The following SEMA6D variants were observed in gnomAD, a reference collection of about 807,000 sequenced individuals.
SEMA6D encodes semaphorin 6D.
In SEMA6D, 35 loss-of-function variants were observed where a neutral mutation model predicts 106.6. The ratio of observed to expected loss-of-function variants is 0.33; its 90% confidence interval spans 0.25 to 0.44. The LOEUF is 0.44. Among genes scored for constraint, SEMA6D ranks in the 20% least tolerant of loss-of-function variants. The probability of loss-of-function intolerance (pLI) is 1.00; values close to 1 mark genes in which losing one functional copy is unlikely to be tolerated. For synonymous variants in SEMA6D, 499 were observed against 487.7 expected, an observed-to-expected ratio of 1.02 and a Z score of -0.31; for missense variants, 1,185 against 1,345.9, an observed-to-expected ratio of 0.88 and a Z score of 1.87.
intron 3 of SEMA6D, among the ~76,000 whole-genome samples, chr15:47,497,152 A>G (rs1464051146): frequency 3.5e-5 from 3 of 85,404 alleles, no homozygotes; most frequent in Non-Finnish European, 8.7e-5. Flanking sequence ...CCTGTGAGAA[A>G]GAAACATTCC....
chr15:47,552,899 T>TAA (rs2045796239), intron 3 of SEMA6D, among the ~76,000 whole-genome samples: 2 of 107,008 alleles, frequency 1.9e-5, no homozygotes, highest in Non-Finnish European at 3.5e-5. Context: ...TAAATATATA[T>TAA]ATATATAAAT....
Position 47,240,047 on chromosome 15 carries a change from G to T in SEMA6D, c.-239+55629G>T, listed in dbSNP as rs2032808175. Among the ~76,000 whole-genome samples the T allele has an allele frequency of 2.6e-5, 4 of 151,996 alleles. No homozygotes were observed. The South Asian group carries it at 8.3e-4, about 32-fold the overall frequency. On this transcript the variant is annotated intron_variant, in intron 1 of 19. Transcript: ENST00000558014. ...GTATAACATGATTATTATCTATTTG[G>T]ATCTCAGTAGTTGATAAAAGCCTGT...
intron 4 of SEMA6D, among the ~76,000 whole-genome samples, chr15:47,659,242 C>T (rs1369060973): frequency 6.6e-6 from 1 of 151,748 alleles, no homozygotes; most frequent in Middle Eastern, 3.6e-3. Flanking sequence ...GATTTTAGCA[C>T]ATTATATACA....
intron 3 of SEMA6D, among the ~76,000 whole-genome samples, chr15:47,542,124 A>G (rs2045373649): frequency 6.6e-6 from 1 of 152,192 alleles, no homozygotes; most frequent in Non-Finnish European, 1.5e-5. Context: ...AAGATTCTGG[A>G]TATGTTATAA....
At chr15:47,272,220 T>C (rs2142287593) in intron 1 of SEMA6D, among the ~76,000 whole-genome samples, 1 of 152,342 alleles carries the variant, frequency 6.6e-6, no homozygotes, top group Middle Eastern at 3.4e-3. Context: ...TGGTAAGGAC[T>C]TTTAAGTTTT....
Position 47,552,858 on chromosome 15 carries a change from A to T in SEMA6D, c.-86-48007A>T, listed in dbSNP as rs1447513500. On this transcript the variant is annotated intron_variant, in intron 3 of 19. Transcript: ENST00000558014. ...TATATATATAAATATATATAAATAT[A>T]TATATATTTTTATATATATATAAAT... 3.7e-3 allele frequency among the ~76,000 whole-genome samples: 278 copies of T among 74,830 alleles called. 4 individuals are homozygous for T. The highest frequency in any genetic ancestry group is 5.4e-3 in the Non-Finnish European group (249 of 46,154). 49.1% of individuals were successfully genotyped at this position (74,830 alleles called of 152,430 possible). A position where few individuals can be genotyped will look rare whatever the true frequency, so the allele number is the denominator to read the frequency against.
At chr15:47,754,194 C>G (rs1282350379) in intron 1 of SEMA6D, among the ~76,000 whole-genome samples, 1 of 152,166 alleles carries the variant, frequency 6.6e-6, no homozygotes, top group Non-Finnish European at 1.5e-5. Flanking sequence ...AAATTTGAGA[C>G]CAGCCTAGGC....
chr15:47,765,990 C>A lies in SEMA6D; in HGVS notation c.1549C>A (p.Arg517Ser), dbSNP rs768595343. The change falls in exon 14 of 19, where the codon CGT becomes AGT. Residue 517 changes from arginine to serine, a missense_variant. Coordinates refer to ENST00000536845, the MANE Select transcript of SEMA6D (RefSeq NM_001358351.3). ...CCGCATCCCCCTCAGTCGCTGTGAG[C>A]GTTATGGATCATGTAAAAAGTAAGC... ...IIRIPLSRCERYGSCKKSCIA... is the reference protein window; with the variant it reads ...IIRIPLSRCESYGSCKKSCIA... 2 of 1,597,572 alleles carry A rather than the reference C, an allele frequency of 1.3e-6. No homozygotes were observed. The highest frequency in any genetic ancestry group is 3.4e-5 in the Admixed American group (2 of 58,486).
At chr15:47,476,023 A>G (rs2042992064) in intron 3 of SEMA6D, among the ~76,000 whole-genome samples, 1 of 152,164 alleles carries the variant, frequency 6.6e-6, no homozygotes, top group Admixed American at 6.6e-5. Flanking sequence ...TTGTTGGTGA[A>G]ACCTGTGCCA....
intron 2 of SEMA6D, among the ~76,000 whole-genome samples, chr15:47,427,903 T>G (rs1595970950): frequency 6.6e-6 from 1 of 152,140 alleles, no homozygotes; most frequent in East Asian, 1.9e-4. Flanking sequence ...TTACTCTCTC[T>G]TTCTCTGAGG....
intron 3 of SEMA6D, among the ~76,000 whole-genome samples, chr15:47,526,838 GC>G (rs2044775577): frequency 6.6e-6 from 1 of 152,120 alleles, no homozygotes; most frequent in Non-Finnish European, 1.5e-5. Flanking sequence ...CCGGGTTCAA[GC>G]GATTCTCCTG....
At chr15:47,523,436 C>T (rs1302681951) in intron 3 of SEMA6D, among the ~76,000 whole-genome samples, 1 of 151,834 alleles carries the variant, frequency 6.6e-6, no homozygotes, top group African/African-American at 2.4e-5. Flanking sequence ...CAGGGGAAGA[C>T]AGGAAGAACA....
chr15:47,508,697 A>G (rs7162813), intron 3 of SEMA6D, among the ~76,000 whole-genome samples: 12,026 of 152,284 alleles, frequency 0.079, 1,236 homozygotes, highest in African/African-American at 0.25. Flanking sequence ...GTGTAACCTC[A>G]GGATTGTTAT....
chr15:47,241,532 G>C (rs775297092), intron 1 of SEMA6D, among the ~76,000 whole-genome samples: 4 of 151,922 alleles, frequency 2.6e-5, no homozygotes, highest in Non-Finnish European at 5.9e-5. Flanking sequence ...CTCTCCCCTA[G>C]CTGATTTCCA....
rs1208849790 is a variant in SEMA6D, at chr15:47,746,982, G to GTATATATATATATA, written c.-54-12762_-54-12761insATATATATATATAT. 4.5e-5 allele frequency among the ~76,000 whole-genome samples: 4 copies of GTATATATATATATA among 89,866 alleles called. No homozygotes were observed. In the East Asian group the frequency reaches 7.3e-4, roughly 16 times the overall value. The allele number at this position is 89,866 out of a possible 152,430, so 59.0% of individuals were successfully genotyped here. A position where few individuals can be genotyped will look rare whatever the true frequency, so the allele number is the denominator to read the frequency against. Reference sequence around the variant, plus strand: ...CAACAGTCTCCTGCTGTGTGTGTGTGTGTATATATATATATATATATTTCG... The same window carrying GTATATATATATATA: ...CAACAGTCTCCTGCTGTGTGTGTGTGTATATATATATATATGTATATATATATATATATATTTCG... On this transcript the variant is annotated intron_variant, in intron 1 of 18. Transcript: ENST00000536845.
At chr15:47,460,985 A>C (rs1431071451) in intron 2 of SEMA6D, among the ~76,000 whole-genome samples, 1 of 151,936 alleles carries the variant, frequency 6.6e-6, no homozygotes, top group Non-Finnish European at 1.5e-5. Flanking sequence ...ACTCCTGCCT[A>C]CTTCCTCTTC....
At chr15:47,657,719 CTTTTTTTTTTTTTTTTTTTTTTTTTT>C (rs71118191) in intron 4 of SEMA6D, among the ~76,000 whole-genome samples, 7 of 54,652 alleles carry the variant, frequency 1.3e-4, no homozygotes, top group Non-Finnish European at 1.9e-4. Context: ...GGCTTCATTT[CTTTTTTTTTTTTTTTTTTTTTTTTTT>C]TTTTTTTTTT....
chr15:47,343,045 G>T (rs1400523007), intron 1 of SEMA6D, among the ~76,000 whole-genome samples: 3 of 151,934 alleles, frequency 2.0e-5, no homozygotes, highest in Admixed American at 6.6e-5. Context: ...TAATATGTTT[G>T]CTTCTTTGCT....
chr15:47,306,032 A>G (rs1321992396), intron 1 of SEMA6D, among the ~76,000 whole-genome samples: 1 of 151,746 alleles, frequency 6.6e-6, no homozygotes, highest in Non-Finnish European at 1.5e-5. Flanking sequence ...GCCAGGCTAG[A>G]GTGCAGTGGC....
Sources: gnomAD v4.1 joint callset for allele counts (sites outside exome capture counted in the v4.1 genomes callset) on GRCh38, gnomAD v4.1.1 for gene constraint, MANE v1.5 for transcripts, NCBI Gene and HGNC (gene_info 2026-07-23, HGNC 2026-07-21) for gene names.